The following NCAPD2 variants were observed in gnomAD, a reference collection of about 807,000 sequenced individuals.
NCAPD2 encodes condensin complex subunit 1.
In NCAPD2, 100 loss-of-function variants were observed where a neutral mutation model predicts 164.5. The ratio of observed to expected loss-of-function variants is 0.61; its 90% CI spans 0.52 to 0.72. The LOEUF is 0.72. Ranked by LOEUF, NCAPD2 falls within the 30% of genes least tolerant of loss-of-function variation. NCAPD2 has a pLI of 0.00. For missense variants in NCAPD2, 1,560 were observed against 1,749.2 expected (o/e 0.89, Z 1.93); for synonymous variants, 585 against 642.6 (o/e 0.91, Z 1.36).
Position 6,526,628 on chromosome 12 carries a change from G to A in NCAPD2, c.2734+13G>A. 6.2e-7 allele frequency: 1 copy of A among 1,607,822 alleles called. No individual in the cohort carries two copies. The highest frequency in any genetic ancestry group is 8.5e-7 in the Non-Finnish European group (1 of 1,175,196). ...CAGGAGGACCCGAGTAAGTGGGCAG[G>A]GGTTGACCCACTGCGGCAGCCAGCT... is the stretch of plus-strand genomic sequence containing the variant. On this transcript the variant is annotated intron_variant, in intron 21 of 31. Transcript: ENST00000315579.
rs368746560 is a variant in NCAPD2 at position 6,528,662 on chromosome 12, C to T, written c.3300-17C>T. 2.3e-4 allele frequency: 370 copies of T among 1,604,332 alleles called. 1 individual carries two copies. In the African/African-American group the frequency reaches 2.6e-3, roughly 11 times the overall value. On this transcript the variant is annotated splice_polypyrimidine_tract_variant and intron_variant, in intron 25 of 31. Transcript: ENST00000315579. The surrounding 1 kb of genome is among the most constrained non-coding windows in gnomAD (Gnocchi z 5.1). ...CCCGGAGGTCTCGGTCCCCATGACC[C>T]GCAATTCCATTCCTAGTCTCCGGGA...
intron 2 of NCAPD2, among the ~76,000 whole-genome samples, chr12:6,495,822 G>A (rs1258929550): frequency 2.0e-5 from 3 of 152,118 alleles, no homozygotes; most frequent in African/African-American, 2.4e-5. Flanking sequence ...ATTAAAGACT[G>A]GAGCCAGGCT....
At chr12:6,519,773 CAG>C (rs1946247383) in intron 13 of NCAPD2, among the ~76,000 whole-genome samples, 1 of 151,524 alleles carries the variant, frequency 6.6e-6, no homozygotes, top group African/African-American at 2.4e-5. Context: ...GAGGCTGAGG[CAG>C]GAGAATTGCT....
rs748034185 is a variant in NCAPD2, at chr12:6,527,727, C to A, written c.2908-50C>A. The A allele has an allele frequency of 1.0e-5, 16 of 1,541,194 alleles. No homozygotes were observed. The African/African-American group carries it at 1.4e-4, about 13-fold the overall frequency. ...TGCAAAACAAAGTATGGGCTGGAAT[C>A]AAAAATGTTGTCTCTGCTTATCCAT... On this transcript the variant is annotated intron_variant, in intron 22 of 31. Transcript: ENST00000315579.
At position 6,522,893 on chromosome 12, in the gene NCAPD2, G is replaced by A; in HGVS notation, c.2020G>A (p.Gly674Arg). Residue 674 changes from glycine (G) to arginine (R), a missense_variant, in exon 16 of 32, where the codon GGG becomes AGG. Physicochemically the swap from Gly to Arg is moderately radical, Grantham distance 125. Coordinates refer to ENST00000315579, the MANE Select transcript of NCAPD2 (RefSeq NM_014865.4). ...FQFGVPQALF[G>R]VRRMLPLIWS... ...ATTTGGGGTACCCCAGGCCCTGTTT[G>A]GGGTGCGCCGTATGCTGCCTCTCAT... The A allele has an allele frequency of 6.2e-7, 1 of 1,614,194 alleles. No homozygotes were observed. Among genetic ancestry groups the A allele is most frequent in the South Asian group, 1.1e-5 (1 of 91,080 alleles).
chr12:6,518,079 G>A, intron 13 of NCAPD2, 120 bp downstream of exon 13: 2 of 953,786 alleles, frequency 2.1e-6, no homozygotes, highest in Non-Finnish European at 3.1e-6. Context: ...CCAGGTGATG[G>A]TAGATGTTTT....
chr12:6,508,997 T>A (rs563579841), intron 2 of NCAPD2, among the ~76,000 whole-genome samples: 1 of 151,734 alleles, frequency 6.6e-6, no homozygotes, highest in Non-Finnish European at 1.5e-5. Context: ...AGATAAAGAC[T>A]GGAGGAGAGG....
intron 6 of NCAPD2, among the ~76,000 whole-genome samples, chr12:6,513,524 A>G (rs1276805732): frequency 3.3e-5 from 5 of 152,056 alleles, no homozygotes; most frequent in African/African-American, 1.2e-4. Flanking sequence ...CAAAAAAAAG[A>G]GTCTGAGGAG....
Position 6,526,324 on chromosome 12 carries a change from C to G in NCAPD2, c.2519C>G (p.Pro840Arg), listed in dbSNP as rs769382114. 50 of 1,614,102 alleles carry G rather than the reference C, an allele frequency of 3.1e-5. No homozygotes were observed. The highest frequency in any genetic ancestry group is 2.5e-6 in the Non-Finnish European group (3 of 1,180,050). Residue 840 changes from proline (P) to arginine (R), a missense_variant, in exon 20 of 32, where the codon CCT (proline) becomes CGT (arginine). Coordinates refer to ENST00000315579, the MANE Select transcript of NCAPD2 (RefSeq NM_014865.4). ...AAACGTCACCCCCCCTTCCGGCTGC[C>G]TCAGGAACACAGGTTGTTTGAGCGA... Reference protein sequence around the residue: ...LGKRHPPFRLPQEHRLFERLR... With the variant: ...LGKRHPPFRLRQEHRLFERLR...
Position 6,510,799 on chromosome 12 carries a change from C to A in NCAPD2, c.433C>A (p.Leu145Ile), listed in dbSNP as rs761803417. 6.2e-7 allele frequency: 1 copy of A among 1,613,886 alleles called. No homozygotes were observed. Among genetic ancestry groups the A allele is most frequent in the South Asian group, 1.1e-5 (1 of 91,056 alleles). The change falls in exon 5 of 32, where the codon CTT becomes ATT. Residue 145 changes from leucine to isoleucine, a missense_variant. By Grantham distance (5) the Leu-to-Ile change is conservative. Transcript: ENST00000315579. ...ASQTNLVDLD[L>I]GGKGKKARTK... Reference sequence around the variant, plus strand: ...CCAGACAAACCTTGTGGACCTGGACCTTGGTGGGAAGGTAATTTGGAGTTT... The same window carrying A: ...CCAGACAAACCTTGTGGACCTGGACATTGGTGGGAAGGTAATTTGGAGTTT...
intron 1 of NCAPD2, 77 bp from the exon 2 acceptor site, chr12:6,494,999 G>A (rs989733170): frequency 3.5e-6 from 5 of 1,441,768 alleles, no homozygotes; most frequent in Admixed American, 2.0e-5. Flanking sequence ...ATATGTTGGG[G>A]ATGGGAAAGT....
In NCAPD2 at chr12:6,504,204, TATATATATATATAG is replaced by T. The variant is rs1946073240; in HGVS notation, c.128-5507_128-5494del. On this transcript the variant is annotated intron_variant, in intron 2 of 31. Coordinates refer to ENST00000315579, the MANE Select transcript of NCAPD2 (RefSeq NM_014865.4). Reference sequence around the variant, plus strand: ...ATACATATATATATATATATATATATATATATATATATAGATATAGATATATATATATATATATA... The same window carrying T: ...ATACATATATATATATATATATATATATATAGATATATATATATATATATA... Among the ~76,000 whole-genome samples the T allele has an allele frequency of 2.2e-4, 5 of 22,612 alleles. No individual in the cohort carries two copies. The African/African-American group carries it at 2.4e-3, about 11-fold the overall frequency. The allele number at this position is 22,612 out of a possible 152,430, so 14.8% of individuals were successfully genotyped here. A position where few individuals can be genotyped will look rare whatever the true frequency, so the allele number is the denominator to read the frequency against.
chr12:6,521,907 C>T lies in NCAPD2; in HGVS notation c.1824C>T (p.Ser608=). The change falls in exon 15 of 32, where the codon TCC becomes TCT. Residue 608 remains serine (S), a synonymous_variant. Transcript: ENST00000315579. ...NKPNMSDPEE[S]RGNDELVKQE... ...CCAATATGTCGGATCCTGAGGAATC[C>T]AGGGGAAATGATGAACTAGTGAAGC... The T allele has an allele frequency of 6.2e-7, 1 of 1,614,018 alleles. No individual in the cohort carries two copies. Among genetic ancestry groups the T allele is most frequent in the South Asian group, 1.1e-5 (1 of 91,082 alleles).
intron 9 of NCAPD2, among the ~76,000 whole-genome samples, chr12:6,515,985 A>C (rs1946195044): frequency 6.6e-6 from 1 of 151,542 alleles, no homozygotes; most frequent in Admixed American, 6.6e-5. Flanking sequence ...TGAGGTCAAG[A>C]GTTTAAGACT....
In NCAPD2 at chr12:6,521,945, T is replaced by C; in HGVS notation, c.1862T>C (p.Val621Ala). The C allele has an allele frequency of 8.7e-6, 14 of 1,614,046 alleles. No individual in the cohort carries two copies. Among genetic ancestry groups the C allele is most frequent in the Non-Finnish European group, 1.2e-5 (14 of 1,179,954 alleles). ...GAACTAGTGAAGCAGGAGATGCTGG[T>C]ACAGTATCTGCAGGATGCCTACAGC... ...NDELVKQEML[V>A]QYLQDAYSFS... is the part of the protein sequence containing the mutation. Residue 621 changes from valine (V) to alanine (A), a missense_variant, in exon 15 of 32, where the codon GTA (valine) becomes GCA (alanine). Val to Ala is a moderately conservative substitution (Grantham distance 64). Transcript: ENST00000315579.
At position 6,523,040 on chromosome 12, in the gene NCAPD2, G is replaced by A. The variant is rs542406563; in HGVS notation, c.2129+38G>A. ...CTTTTGCCTTTGCTGACTTTTCCAA[G>A]GTCAGCTTCTCACAGGACTTCCCTT... On this transcript the variant is annotated intron_variant, in intron 16 of 31. Coordinates refer to ENST00000315579, the MANE Select transcript of NCAPD2 (RefSeq NM_014865.4). 2.5e-6 allele frequency: 4 copies of A among 1,607,960 alleles called. No homozygotes were observed. The South Asian group carries it at 3.3e-5, about 13-fold the overall frequency.
At chr12:6,507,968 AT>A (rs1946112259) in intron 2 of NCAPD2, among the ~76,000 whole-genome samples, 1 of 152,032 alleles carries the variant, frequency 6.6e-6, no homozygotes, top group Non-Finnish European at 1.5e-5. Flanking sequence ...AGATCAGTTG[AT>A]CCCAGGAGTT....
chr12:6,506,145 A>T (rs1946097131), intron 2 of NCAPD2, among the ~76,000 whole-genome samples: 1 of 151,840 alleles, frequency 6.6e-6, no homozygotes, highest in South Asian at 2.1e-4. Context: ...TTTTGTGGAG[A>T]TGGGGTCTTG....
chr12:6,525,656 A>T lies in NCAPD2; in HGVS notation c.2288A>T (p.Lys763Met). The T allele has an allele frequency of 6.2e-7, 1 of 1,613,614 alleles. No individual in the cohort carries two copies. The highest frequency in any genetic ancestry group is 8.5e-7 in the Non-Finnish European group (1 of 1,179,982). Residue 763 changes from lysine to methionine, a missense_variant, in exon 18 of 32, where the codon AAG (lysine) becomes ATG (methionine). Lys to Met is a moderately conservative substitution (Grantham distance 95). Transcript: ENST00000315579. ...TQLLWERATE[K>M]VACCPLERCS... is the part of the protein sequence containing the mutation. ...CTGCTGTGGGAGCGGGCCACCGAGA[A>T]GGTCGCCTGCTGTCCTCTGGAGCGC...
Sources: gnomAD v4.1 joint callset for allele counts (sites outside exome capture counted in the v4.1 genomes callset) on GRCh38, gnomAD v4.1.1 for gene constraint, Gnocchi (gnomAD v3.1) non-coding constraint, MANE v1.5 for transcripts, NCBI Gene and HGNC (gene_info 2026-07-23, HGNC 2026-07-21) for gene names.